Variants in MSI2 observed in about 807,000 individuals in gnomAD.
MSI2 encodes the protein RNA-binding protein Musashi homolog 2.
MSI2 carries 17 observed loss-of-function variants against 45.6 expected under a neutral mutation model. The ratio of observed to expected loss-of-function variants is 0.37; its 90% CI spans 0.26 to 0.56. The LOEUF (loss-of-function observed/expected upper bound fraction) is 0.56. Ranked by LOEUF, MSI2 falls within the 20% of genes least tolerant of loss-of-function variation. MSI2 has a pLI of 0.77. For synonymous variants in MSI2, 156 were observed against 158.2 expected (o/e 0.99, Z 0.11); for missense variants, 293 against 444.2 (o/e 0.66, Z 3.06).
intron 7 of MSI2, among the ~76,000 whole-genome samples, chr17:57,584,498 G>T (rs1786397912): frequency 1.3e-5 from 2 of 152,226 alleles, no homozygotes; most frequent in South Asian, 4.1e-4. Flanking sequence ...CGCGGAGGGA[G>T]CAGTGGGCAC....
At chr17:57,498,453 T>C (rs2086024926) in intron 6 of MSI2, among the ~76,000 whole-genome samples, 2 of 152,278 alleles carry the variant, frequency 1.3e-5, no homozygotes, top group Admixed American at 6.5e-5. Flanking sequence ...GCTGTTGTTT[T>C]GAACTGTGAG....
Position 57,683,096 on chromosome 17 carries a change from T to TA in MSI2, c.*3580dup, listed in dbSNP as rs1913714388. 1.7e-5 allele frequency: 4 copies of TA among 229,908 alleles called. No homozygotes were observed. The highest frequency in any genetic ancestry group is 8.9e-5 in the African/African-American group (4 of 45,162). 14.2% of individuals were successfully genotyped at this position (229,908 alleles called of 1,614,324 possible). On this transcript the variant is annotated 3_prime_UTR_variant, in exon 14 of 14. Transcript: ENST00000284073. This position sits in a 1 kb window ranked among gnomAD's most constrained non-coding sequence, Gnocchi z 5.2. ...AAGCCCCAGCAGGCCTTTGCGTTTT[T>TA]ATCCTTCATAACCTTCATCTTAATT...
At chr17:57,640,663 G>A (rs572847864) in intron 10 of MSI2, among the ~76,000 whole-genome samples, 3 of 152,316 alleles carry the variant, frequency 2.0e-5, no homozygotes, top group East Asian at 1.9e-4. Flanking sequence ...TCTTGGGTCC[G>A]ACAACTAGTT....
At chr17:57,430,095 T>C (rs2143373833) in intron 6 of MSI2, among the ~76,000 whole-genome samples, 1 of 152,332 alleles carries the variant, frequency 6.6e-6, no homozygotes. Flanking sequence ...TGCCTTGTTA[T>C]TTGTAAGGAT....
rs565762117 is a variant in MSI2, at chr17:57,330,930, C to T, written c.312+68738C>T. The stretch of plus-strand genomic sequence containing the variant: ...TTATTCTTTTTTTTTGTGTGTGTGA[C>T]GGAGTCTCACTCTGTACCCCAGGCT... On this transcript the variant is annotated intron_variant, in intron 5 of 13. Coordinates refer to ENST00000284073, the MANE Select transcript of MSI2 (RefSeq NM_138962.4). Among the ~76,000 whole-genome samples, 17 of 135,938 alleles carry T rather than the reference C, an allele frequency of 1.3e-4. No homozygotes were observed. In the East Asian group the frequency reaches 1.7e-3, roughly 14 times the overall value. 89.2% of individuals were successfully genotyped at this position (135,938 alleles called of 152,430 possible).
At chr17:57,572,187 G>T (rs2087896855) in intron 7 of MSI2, among the ~76,000 whole-genome samples, 2 of 152,210 alleles carry the variant, frequency 1.3e-5, no homozygotes, top group Non-Finnish European at 2.9e-5. Context: ...TCACCAAGGA[G>T]GAATGTCGCA....
intron 5 of MSI2, among the ~76,000 whole-genome samples, chr17:57,355,316 A>G (rs918562458): frequency 3.9e-5 from 6 of 152,190 alleles, no homozygotes; most frequent in Non-Finnish European, 7.3e-5. Flanking sequence ...GCATCTGCAT[A>G]TCACTGTCAG....
intron 5 of MSI2, among the ~76,000 whole-genome samples, chr17:57,357,043 C>T (rs1283196354): frequency 1.3e-5 from 2 of 152,154 alleles, no homozygotes; most frequent in Admixed American, 1.3e-4. Flanking sequence ...GACCCTTCCC[C>T]GCTTCTCGGG....
chr17:57,330,440 G>A lies in MSI2; in HGVS notation c.312+68248G>A, dbSNP rs186630743. ...ACCGGGATTACAGGTGCTTGCCGCC[G>A]GCTAATTTTTGTATTTTTAGTAGAG... is the stretch of plus-strand genomic sequence containing the variant. On this transcript the variant is annotated intron_variant, in intron 5 of 13. Coordinates refer to ENST00000284073, the MANE Select transcript of MSI2 (RefSeq NM_138962.4). Among the ~76,000 whole-genome samples the A allele has an allele frequency of 2.1e-4, 32 of 151,588 alleles. No individual in the cohort carries two copies. The East Asian group carries it at 5.4e-3, about 26-fold the overall frequency.
chr17:57,667,562 A>C (rs182292228), intron 11 of MSI2, among the ~76,000 whole-genome samples: 427 of 152,278 alleles, frequency 2.8e-3, no homozygotes, highest in Non-Finnish European at 5.3e-3. Flanking sequence ...TGACTGCCTC[A>C]TGGCCTTTCC....
chr17:57,548,501 TG>T (rs532207366), intron 7 of MSI2, among the ~76,000 whole-genome samples: 113 of 152,330 alleles, frequency 7.4e-4, no homozygotes, highest in African/African-American at 2.6e-3. Context: ...TCAGGATTTC[TG>T]CCTTGCTTCC....
At chr17:57,648,907 C>G (rs1910904041) in intron 10 of MSI2, among the ~76,000 whole-genome samples, 1 of 152,174 alleles carries the variant, frequency 6.6e-6, no homozygotes, top group Non-Finnish European at 1.5e-5. Flanking sequence ...CACGAGGCCA[C>G]TCTGCCAGGC....
intron 5 of MSI2, among the ~76,000 whole-genome samples, chr17:57,288,466 T>C (rs1910117433): frequency 6.6e-6 from 1 of 152,220 alleles, no homozygotes; most frequent in East Asian, 1.9e-4. Context: ...ACCTTCCTGG[T>C]GTTTGCTAAA....
At chr17:57,598,494 A>C (rs1905488419) in intron 8 of MSI2, among the ~76,000 whole-genome samples, 1 of 152,012 alleles carries the variant, frequency 6.6e-6, no homozygotes, top group Non-Finnish European at 1.5e-5. Flanking sequence ...AAATGAAAAT[A>C]CTCTTTTTTT....
rs1293794130 is a variant in MSI2, at chr17:57,680,705, A to G, written c.*1188A>G. ...GATGTTTTTTAAAAACAAAGCTACAATTTTAATATTTAACATATTTAAAGT... is the reference window on the plus strand; with the variant it reads ...GATGTTTTTTAAAAACAAAGCTACAGTTTTAATATTTAACATATTTAAAGT... On this transcript the variant is annotated 3_prime_UTR_variant, in exon 14 of 14. Coordinates refer to ENST00000284073, the MANE Select transcript of MSI2 (RefSeq NM_138962.4). The G allele has an allele frequency of 9.0e-6, 1 of 110,498 alleles. No homozygotes were observed. Among genetic ancestry groups the G allele is most frequent in the Non-Finnish European group, 1.6e-5 (1 of 60,980 alleles). The allele number at this position is 110,498 out of a possible 1,614,324, so 6.8% of individuals were successfully genotyped here. A position where few individuals can be genotyped will look rare whatever the true frequency, so the allele number is the denominator to read the frequency against.
At position 57,675,005 on chromosome 17, in the gene MSI2, G is replaced by T. The variant is rs1314849362; in HGVS notation, c.824G>T (p.Gly275Val). The change falls in exon 12 of 14, where the codon GGG becomes GTG. Residue 275 changes from glycine (G) to valine (V), a missense_variant. Gly to Val is a moderately radical substitution (Grantham distance 109). Coordinates refer to ENST00000284073, the MANE Select transcript of MSI2 (RefSeq NM_138962.4). Reference sequence around the variant, plus strand: ...CCGGCGCGGCCCGGAGGCTTCCCGGGGGCCAACAGCCCAGGACCTGTCGCC... The same window carrying T: ...CCGGCGCGGCCCGGAGGCTTCCCGGTGGCCAACAGCCCAGGACCTGTCGCC... Reference protein sequence around the residue: ...SNPARPGGFPGANSPGPVADL... With the variant: ...SNPARPGGFPVANSPGPVADL... The T allele has an allele frequency of 6.2e-7, 1 of 1,613,588 alleles. No homozygotes were observed. The highest frequency in any genetic ancestry group is 8.5e-7 in the Non-Finnish European group (1 of 1,179,882).
chr17:57,698,924 T>TGTGTGTGTTTGTGC, the MSI2 span, among the ~76,000 whole-genome samples: 2 of 146,534 alleles, frequency 1.4e-5, no homozygotes, highest in African/African-American at 5.3e-5. Context: ...TGTGTGTGTG[T>TGTGTGTGTTTGTGC]GTGTGTGTGT....
chr17:57,524,937 G>A (rs1567877057), intron 6 of MSI2, among the ~76,000 whole-genome samples: 1 of 152,212 alleles, frequency 6.6e-6, no homozygotes, highest in African/African-American at 2.4e-5. Context: ...GCCAGCAGCT[G>A]CATCAGCATC....
At chr17:57,500,942 G>A (rs2086092154) in intron 6 of MSI2, among the ~76,000 whole-genome samples, 1 of 151,186 alleles carries the variant, frequency 6.6e-6, no homozygotes, top group African/African-American at 2.4e-5. Context: ...CAGCCTGGGT[G>A]ACAAAGTGAG....
Sources: gnomAD v4.1 joint callset for allele counts (sites outside exome capture counted in the v4.1 genomes callset) on GRCh38, gnomAD v4.1.1 for gene constraint, Gnocchi (gnomAD v3.1) non-coding constraint, MANE v1.5 for transcripts, NCBI Gene and HGNC (gene_info 2026-07-23, HGNC 2026-07-21) for gene names.